Variants in PRKN observed in about 807,000 individuals in gnomAD.
PRKN encodes the protein E3 ubiquitin-protein ligase parkin.
Under a neutral mutation model 59.5 loss-of-function variants are expected in PRKN, and 56 were observed. That is an observed-to-expected ratio of 0.94 (90% CI 0.76 to 1.18). The LOEUF (loss-of-function observed/expected upper bound fraction) is 1.18. Among genes scored for constraint, PRKN ranks in the 50% most tolerant of loss-of-function variants. The pLI, the probability that PRKN is intolerant of heterozygous loss-of-function variation, is 0.00. For synonymous variants in PRKN, 250 were observed against 222.1 expected (o/e 1.13, Z -1.12); for missense variants, 657 against 596.4 (o/e 1.10, Z -1.06).
intron 7 of PRKN, among the ~76,000 whole-genome samples, chr6:161,665,812 C>G (rs1377169736): frequency 6.6e-6 from 1 of 152,202 alleles, no homozygotes; most frequent in Non-Finnish European, 1.5e-5. Flanking sequence ...GTGTGAAACG[C>G]TGAACTGACA....
At chr6:162,260,497 G>C (rs963956166) in intron 3 of PRKN, among the ~76,000 whole-genome samples, 2 of 152,150 alleles carry the variant, frequency 1.3e-5, no homozygotes, top group African/African-American at 2.4e-5. Context: ...CCTATATAGA[G>C]AGAATACTAT....
In PRKN at chr6:162,010,143, C is replaced by T. The variant is rs1198125596; in HGVS notation, c.619-36726G>A. ...GCTGCAGATGTCACTTCCTCTGGCT[C>T]GTGTTAGCACAGGGAGACCCCTCGC... On this transcript the variant is annotated intron_variant, in intron 5 of 11. Transcript: ENST00000366898. Among the ~76,000 whole-genome samples, 4 of 146,992 alleles carry T rather than the reference C, an allele frequency of 2.7e-5. No homozygotes were observed. In the East Asian group the frequency reaches 5.9e-4, roughly 22 times the overall value.
chr6:161,720,766 AT>A (rs5881428), intron 7 of PRKN, among the ~76,000 whole-genome samples: 42,274 of 131,970 alleles, frequency 0.32, 6,306 homozygotes, highest in Admixed American at 0.46. Flanking sequence ...TTTTAAAACT[AT>A]TTTTTTTTTT....
chr6:161,997,067 T>C (rs1781875223), intron 5 of PRKN, among the ~76,000 whole-genome samples: 2 of 152,168 alleles, frequency 1.3e-5, no homozygotes, highest in East Asian at 1.9e-4. Flanking sequence ...ACAATAAGTA[T>C]GTACAATGAA....
chr6:161,404,752 G>T (rs1246831085), intron 9 of PRKN, among the ~76,000 whole-genome samples: 1 of 152,192 alleles, frequency 6.6e-6, no homozygotes, highest in African/African-American at 2.4e-5. Context: ...TTTTCCATGG[G>T]AAGGCTCTGT....
chr6:161,506,855 C>T (rs910944305), intron 9 of PRKN, among the ~76,000 whole-genome samples: 2 of 152,196 alleles, frequency 1.3e-5, no homozygotes, highest in African/African-American at 4.8e-5. Flanking sequence ...ACCAAAAAGT[C>T]AATTTGGGGA....
intron 4 of PRKN, among the ~76,000 whole-genome samples, chr6:162,134,307 C>A (rs1209456395): frequency 1.3e-5 from 2 of 152,250 alleles, no homozygotes; most frequent in Admixed American, 1.3e-4. Flanking sequence ...ATCTGGGAAG[C>A]AAGATAGCAC....
At position 161,393,944 on chromosome 6, in the gene PRKN, T is replaced by C. The variant is rs1250669449; in HGVS notation, c.1084-7067A>G. 1.3e-5 allele frequency among the ~76,000 whole-genome samples: 2 copies of C among 152,196 alleles called. No homozygotes were observed. The highest frequency in any genetic ancestry group is 2.9e-5 in the Non-Finnish European group (2 of 68,038). On this transcript the variant is annotated intron_variant, in intron 9 of 11. Transcript: ENST00000366898. The surrounding 1 kb of genome is among the most constrained non-coding windows in gnomAD (Gnocchi z 4.7). ...ATCAAAGGCATGAAGCACACATTTGTACTTCTTTGGGAATAGATGAAATAT... is the reference window on the plus strand; with the variant it reads ...ATCAAAGGCATGAAGCACACATTTGCACTTCTTTGGGAATAGATGAAATAT...
At chr6:162,479,356 G>C (rs1792181304) in intron 1 of PRKN, among the ~76,000 whole-genome samples, 1 of 152,014 alleles carries the variant, frequency 6.6e-6, no homozygotes, top group Non-Finnish European at 1.5e-5. Flanking sequence ...CTCCTGAGTA[G>C]CTGGGATTAC....
intron 6 of PRKN, among the ~76,000 whole-genome samples, chr6:161,900,787 A>T (rs1472991170): frequency 1.2e-5 from 1 of 82,562 alleles, no homozygotes; most frequent in Non-Finnish European, 2.4e-5. Flanking sequence ...ATTATATATA[A>T]AATATAAATA....
At chr6:161,788,716 G>T (rs1195108500) in intron 6 of PRKN, among the ~76,000 whole-genome samples, 2 of 152,180 alleles carry the variant, frequency 1.3e-5, no homozygotes, top group Non-Finnish European at 2.9e-5. Flanking sequence ...CTGCCCAGAC[G>T]CAGGTGTGGA....
chr6:162,292,826 A>G (rs1176744047), intron 2 of PRKN, among the ~76,000 whole-genome samples: 2 of 152,136 alleles, frequency 1.3e-5, no homozygotes, highest in Non-Finnish European at 2.9e-5. Context: ...AAAGCAACCA[A>G]TGGAATGCCC....
rs546466536 is a variant in PRKN at position 162,646,124 on chromosome 6, G to A, written c.7+81538C>T. 1.1e-4 allele frequency among the ~76,000 whole-genome samples: 17 copies of A among 151,822 alleles called. No homozygotes were observed. In the East Asian group the frequency reaches 1.9e-3, roughly 17 times the overall value. ...CCTGACCTCGTAAACCGCCCGCCTC[G>A]GCCTCCCAAAGTGCTGGGATTACAG... On this transcript the variant is annotated intron_variant, in intron 1 of 11. Coordinates refer to ENST00000366898, the MANE Select transcript of PRKN (RefSeq NM_004562.3).
chr6:161,443,650 A>G lies in PRKN; in HGVS notation c.1084-56773T>C, dbSNP rs148280437. On this transcript the variant is annotated intron_variant, in intron 9 of 11. Coordinates refer to ENST00000366898, the MANE Select transcript of PRKN (RefSeq NM_004562.3). ...AGTACATACTGCAATTTATAAGAACAATCAGTTTTTTTAAATGGTCATAAC... is the reference window on the plus strand; with the variant it reads ...AGTACATACTGCAATTTATAAGAACGATCAGTTTTTTTAAATGGTCATAAC... Among the ~76,000 whole-genome samples, 1,226 of 152,302 alleles carry G rather than the reference A, an allele frequency of 8.0e-3. 14 individuals carry two copies. Among genetic ancestry groups the G allele is most frequent in the Non-Finnish European group, 9.6e-3 (651 of 68,024 alleles).
rs141019290 is a variant in PRKN, at chr6:161,903,407, A to G, written c.734+69895T>C. Among the ~76,000 whole-genome samples, 320 of 152,284 alleles carry G rather than the reference A, an allele frequency of 2.1e-3. 1 individual carries two copies. The highest frequency in any genetic ancestry group is 4.1e-3 in the Non-Finnish European group (277 of 68,028). On this transcript the variant is annotated intron_variant, in intron 6 of 11. Transcript: ENST00000366898. Reference sequence around the variant, plus strand: ...AGCTAGTTCTGAGTCAAAAAGATGAATATGTCTTGACCAAGGAGACAGAAG... The same window carrying G: ...AGCTAGTTCTGAGTCAAAAAGATGAGTATGTCTTGACCAAGGAGACAGAAG...
intron 6 of PRKN, among the ~76,000 whole-genome samples, chr6:161,823,976 G>A (rs2128217028): frequency 6.6e-6 from 1 of 152,302 alleles, no homozygotes; most frequent in South Asian, 2.1e-4. Context: ...GCCTTGGAGT[G>A]GTAATGGGTA....
chr6:162,389,425 G>C (rs1357330067), intron 2 of PRKN, among the ~76,000 whole-genome samples: 1 of 152,124 alleles, frequency 6.6e-6, no homozygotes, highest in African/African-American at 2.4e-5. Context: ...CTGGAAGTGA[G>C]GCATTTCCAA....
intron 6 of PRKN, among the ~76,000 whole-genome samples, chr6:161,818,109 T>G (rs552112958): frequency 4.6e-5 from 7 of 152,196 alleles, no homozygotes; most frequent in Non-Finnish European, 8.8e-5. Context: ...CAGGTGCAGA[T>G]GAACCTAATT....
At chr6:161,995,923 C>T (rs1256416579) in intron 5 of PRKN, among the ~76,000 whole-genome samples, 1 of 152,112 alleles carries the variant, frequency 6.6e-6, no homozygotes, top group Non-Finnish European at 1.5e-5. Context: ...GGGAAGACTG[C>T]TTGAGTCCAG....
Sources: allele counts gnomAD v4.1 joint callset (sites outside exome capture counted in the v4.1 genomes callset), GRCh38; gene constraint gnomAD v4.1.1; non-coding constraint Gnocchi (gnomAD v3.1); transcripts MANE v1.5; gene names NCBI Gene and HGNC (gene_info 2026-07-23, HGNC 2026-07-21).